Variants in CHP1 observed in about 807,000 individuals in gnomAD.
CHP1 encodes calcineurin B homologous protein 1.
A neutral mutation model predicts 27.4 loss-of-function variants in CHP1; 11 were observed. The observed-to-expected ratio is 0.40, with a 90% CI of 0.25 to 0.67. The LOEUF (loss-of-function observed/expected upper bound fraction) is 0.67. Ranked by LOEUF, CHP1 falls within the 30% of genes least tolerant of loss-of-function variation. The probability of loss-of-function intolerance (pLI) is 0.38; values close to 1 mark genes in which losing one functional copy is unlikely to be tolerated. For missense variants in CHP1, 169 were observed against 251.3 expected, an observed-to-expected ratio of 0.67 and a Z score of 2.22; for synonymous variants, 89 against 87.4, an observed-to-expected ratio of 1.02 and a Z score of -0.10.
chr15:41,243,528 C>A, intron 1 of CHP1, 139 bp from the exon 2 acceptor site: 1 of 600,326 alleles, frequency 1.7e-6, no homozygotes, highest in Non-Finnish European at 3.0e-6. Flanking sequence ...AGCTTTTAAA[C>A]TTTCTGCTTT....
At chr15:41,259,686 T>A (rs2047422287) in intron 3 of CHP1, among the ~76,000 whole-genome samples, 1 of 152,214 alleles carries the variant, frequency 6.6e-6, no homozygotes, top group Non-Finnish European at 1.5e-5. Flanking sequence ...AGATCTGACA[T>A]TTTTGACCAG....
chr15:41,243,538 T>C (rs978097724), intron 1 of CHP1, 129 bp from the exon 2 acceptor site: 1 of 630,268 alleles, frequency 1.6e-6, no homozygotes, highest in Admixed American at 2.9e-5. Flanking sequence ...CTTTCTGCTT[T>C]AACATTCTAG....
At chr15:41,253,543 C>G (rs532250545) in intron 2 of CHP1, among the ~76,000 whole-genome samples, 70 of 151,880 alleles carry the variant, frequency 4.6e-4, no homozygotes, top group Non-Finnish European at 8.2e-4. Flanking sequence ...CAACCTCCAC[C>G]TCCCAGGTTC....
At chr15:41,236,380 G>A (rs2047276928) in intron 1 of CHP1, among the ~76,000 whole-genome samples, 1 of 152,130 alleles carries the variant, frequency 6.6e-6, no homozygotes, top group South Asian at 2.1e-4. Flanking sequence ...TCCCAGCTCA[G>A]CCTCCTGAGT....
chr15:41,243,707 C>G lies in CHP1; in HGVS notation c.108C>G (p.Thr36=), dbSNP rs745678152. 28 of 1,613,986 alleles carry G rather than the reference C, an allele frequency of 1.7e-5. No homozygotes were observed. Among genetic ancestry groups the G allele is most frequent in the Non-Finnish European group, 2.3e-5 (27 of 1,180,000 alleles). ...TCACTCGCCTCTACAGCCGGTTCAC[C>G]AGCCTGGACAAAGGAGAGAATGGGA... ...SQITRLYSRF[T]SLDKGENGTL... Residue 36 remains threonine, a synonymous_variant, in exon 2 of 7, where the codon ACC becomes ACG. Transcript: ENST00000334660.
chr15:41,235,179 C>A (rs1381208434), intron 1 of CHP1, among the ~76,000 whole-genome samples: 1 of 152,068 alleles, frequency 6.6e-6, no homozygotes, highest in Non-Finnish European at 1.5e-5. Flanking sequence ...GTAATCATCA[C>A]CCTTAATTCA....
intron 3 of CHP1, among the ~76,000 whole-genome samples, chr15:41,261,108 CTTCCTTTTCCT>C (rs2047430665): frequency 6.6e-6 from 1 of 150,920 alleles, no homozygotes; most frequent in Non-Finnish European, 1.5e-5. Context: ...CCCTCCCTTC[CTTCCTTTTCCT>C]TTCCTTTTCC....
At chr15:41,255,784 G>A (rs1436808503) in intron 2 of CHP1, among the ~76,000 whole-genome samples, 1 of 152,106 alleles carries the variant, frequency 6.6e-6, no homozygotes, top group Non-Finnish European at 1.5e-5. Context: ...GGGAGGCCGA[G>A]GCCGGCAGAT....
intron 2 of CHP1, among the ~76,000 whole-genome samples, chr15:41,246,720 G>A (rs1394416328): frequency 1.5e-4 from 21 of 136,568 alleles, no homozygotes; most frequent in Admixed American, 1.3e-3. Context: ...CCTGGCTAAC[G>A]CAGTGAAACC....
intron 5 of CHP1, among the ~76,000 whole-genome samples, chr15:41,271,319 T>C (rs926679425): frequency 8.1e-5 from 12 of 148,960 alleles, no homozygotes; most frequent in African/African-American, 2.7e-4. Flanking sequence ...TCCCAGCTGC[T>C]CGGGAGGCTG....
intron 2 of CHP1, among the ~76,000 whole-genome samples, chr15:41,255,581 T>C (rs1454837817): frequency 6.6e-6 from 1 of 151,844 alleles, no homozygotes; most frequent in Non-Finnish European, 1.5e-5. Flanking sequence ...ACTGAAGCAG[T>C]AGAATCGCTT....
intron 2 of CHP1, among the ~76,000 whole-genome samples, chr15:41,245,929 G>T (rs1222512522): frequency 6.6e-6 from 1 of 152,052 alleles, no homozygotes; most frequent in Non-Finnish European, 1.5e-5. Context: ...AGGGCTTTAT[G>T]GTTTTAGTTC....
intron 1 of CHP1, among the ~76,000 whole-genome samples, chr15:41,234,926 A>T (rs1329065341): frequency 2.0e-5 from 3 of 152,194 alleles, no homozygotes; most frequent in African/African-American, 7.2e-5. Flanking sequence ...TGGACAGTTG[A>T]TTAGGAATTA....
chr15:41,269,258 A>G (rs1318741886), intron 4 of CHP1, among the ~76,000 whole-genome samples: 1 of 152,138 alleles, frequency 6.6e-6, no homozygotes, highest in African/African-American at 2.4e-5. Flanking sequence ...GAGCAGAAAA[A>G]AAAATACATA....
chr15:41,269,614 T>G (rs771634697), intron 4 of CHP1, among the ~76,000 whole-genome samples: 28 of 152,152 alleles, frequency 1.8e-4, no homozygotes, highest in Non-Finnish European at 3.1e-4. Flanking sequence ...GTGCTTAGGA[T>G]GTACTCGAGA....
intron 4 of CHP1, among the ~76,000 whole-genome samples, chr15:41,269,531 A>G (rs2047478430): frequency 6.6e-6 from 1 of 152,064 alleles, no homozygotes; most frequent in Non-Finnish European, 1.5e-5. Context: ...CCTCTCCTTG[A>G]TATTTCCCCA....
intron 1 of CHP1, 132 bp from the exon 2 acceptor site, chr15:41,243,535 C>T (rs2047317695): frequency 1.6e-6 from 1 of 617,786 alleles, no homozygotes; most frequent in African/African-American, 1.8e-5. Context: ...AAACTTTCTG[C>T]TTTAACATTC....
At chr15:41,267,950 A>G (rs1259565017) in intron 4 of CHP1, among the ~76,000 whole-genome samples, 1 of 148,998 alleles carries the variant, frequency 6.7e-6, no homozygotes, top group Admixed American at 6.7e-5. Flanking sequence ...AAAAAAAAGC[A>G]TAAAAAAGGA....
intron 6 of CHP1, 52 bp downstream of exon 6, chr15:41,278,941 G>A (rs1866399): frequency 0.25 from 404,597 of 1,605,920 alleles, 53,669 homozygotes; most frequent in African/African-American, 0.36. Flanking sequence ...GGCTGGGCGC[G>A]GTGGCTTACG....
Sources: allele counts gnomAD v4.1 joint callset (sites outside exome capture counted in the v4.1 genomes callset), GRCh38; gene constraint gnomAD v4.1.1; transcripts MANE v1.5; gene names NCBI Gene and HGNC (gene_info 2026-07-23, HGNC 2026-07-21).